The following NELL1 variants were observed in gnomAD, a reference collection of about 807,000 sequenced individuals.
NELL1 encodes the protein protein kinase C-binding protein NELL1.
NELL1 carries 76 observed loss-of-function variants against 107.4 expected under a neutral mutation model. That is an observed-to-expected ratio of 0.71 (90% confidence interval 0.59 to 0.86). The LOEUF is 0.86. NELL1 is among the 40% of genes least tolerant of loss of function. The pLI is 0.00. For synonymous variants in NELL1, 353 were observed against 341.2 expected, an observed-to-expected ratio of 1.03 and a Z score of -0.38; for missense variants, 1,024 against 1,005.5, an observed-to-expected ratio of 1.02 and a Z score of -0.25.
chr11:20,953,863 A>G (rs1851115465), intron 11 of NELL1, among the ~76,000 whole-genome samples: 1 of 152,114 alleles, frequency 6.6e-6, no homozygotes, highest in Non-Finnish European at 1.5e-5. Flanking sequence ...TCCCCTTGTA[A>G]CCCAATGCTC....
At chr11:21,258,271 C>T (rs961204854) in intron 14 of NELL1, among the ~76,000 whole-genome samples, 5 of 151,936 alleles carry the variant, frequency 3.3e-5, no homozygotes, top group African/African-American at 9.7e-5. Context: ...TTGATAACAT[C>T]CTATGGATGG....
intron 14 of NELL1, among the ~76,000 whole-genome samples, chr11:21,340,572 G>A (rs1250036663): frequency 7.5e-6 from 1 of 133,052 alleles, no homozygotes; most frequent in Non-Finnish European, 1.6e-5. Flanking sequence ...TTAAGATGAG[G>A]GCATAGTGGA....
intron 13 of NELL1, among the ~76,000 whole-genome samples, chr11:21,181,635 G>T (rs1445481627): frequency 6.6e-6 from 1 of 151,852 alleles, no homozygotes; most frequent in Non-Finnish European, 1.5e-5. Context: ...TATACATTCA[G>T]TAAGAAGTTT....
At chr11:20,687,625 T>C (rs1009286878) in intron 2 of NELL1, among the ~76,000 whole-genome samples, 1 of 151,836 alleles carries the variant, frequency 6.6e-6, no homozygotes, top group Non-Finnish European at 1.5e-5. Context: ...ACAGTTTTGC[T>C]CTGTCACCCA....
At chr11:20,705,125 C>T (rs1011553322) in intron 2 of NELL1, among the ~76,000 whole-genome samples, 23 of 152,270 alleles carry the variant, frequency 1.5e-4, no homozygotes, top group African/African-American at 3.6e-4. Context: ...CCCCATCAAG[C>T]TACCAATGGC....
intron 15 of NELL1, among the ~76,000 whole-genome samples, chr11:21,453,126 T>G (rs1853628981): frequency 6.6e-6 from 1 of 152,100 alleles, no homozygotes; most frequent in Non-Finnish European, 1.5e-5. Context: ...TAAGGATATT[T>G]TGGTCAATAG....
intron 5 of NELL1, among the ~76,000 whole-genome samples, chr11:20,896,007 T>A (rs1212774575): frequency 1.3e-5 from 2 of 152,146 alleles, no homozygotes; most frequent in Admixed American, 6.5e-5. Context: ...TTTCACTAGT[T>A]TTTGGGGCAC....
chr11:20,961,960 CCT>C (rs1175958168), intron 12 of NELL1, among the ~76,000 whole-genome samples: 2 of 151,872 alleles, frequency 1.3e-5, no homozygotes, highest in African/African-American at 4.8e-5. Context: ...TTGTAGGAAC[CCT>C]CTGTTTTTTT....
chr11:21,341,198 C>T (rs992503074), intron 14 of NELL1, among the ~76,000 whole-genome samples: 1 of 152,100 alleles, frequency 6.6e-6, no homozygotes, highest in Non-Finnish European at 1.5e-5. Context: ...TAATCTAATT[C>T]GTAAGACCAC....
At chr11:21,574,697 AG>A (rs1377203354) in intron 19 of NELL1, among the ~76,000 whole-genome samples, 24 of 151,932 alleles carry the variant, frequency 1.6e-4, no homozygotes, top group African/African-American at 5.5e-4. Context: ...TGGAAATCCC[AG>A]GGAGGCCTCC....
chr11:21,167,786 G>A (rs1370559834), intron 13 of NELL1, among the ~76,000 whole-genome samples: 1 of 151,726 alleles, frequency 6.6e-6, no homozygotes, highest in Non-Finnish European at 1.5e-5. Flanking sequence ...CTGCTTGGAA[G>A]TCTCTTTCCC....
chr11:20,757,200 CAT>C (rs912515696), intron 2 of NELL1, among the ~76,000 whole-genome samples: 1 of 150,650 alleles, frequency 6.6e-6, no homozygotes, highest in African/African-American at 2.4e-5. Flanking sequence ...ATTGTGATAC[CAT>C]ATATATATGT....
intron 12 of NELL1, among the ~76,000 whole-genome samples, chr11:21,009,213 C>T (rs1292373183): frequency 1.3e-5 from 2 of 152,148 alleles, no homozygotes; most frequent in Non-Finnish European, 2.9e-5. Context: ...ATTGAGCATT[C>T]TCCTCGGCAT....
At chr11:20,899,585 A>G (rs1044760206) in intron 5 of NELL1, among the ~76,000 whole-genome samples, 10 of 152,142 alleles carry the variant, frequency 6.6e-5, no homozygotes, top group African/African-American at 2.2e-4. Flanking sequence ...GAATGTATAC[A>G]AAGAAAGTAA....
chr11:21,100,176 C>G (rs1344539322), intron 12 of NELL1, among the ~76,000 whole-genome samples: 1 of 152,020 alleles, frequency 6.6e-6, no homozygotes, highest in Non-Finnish European at 1.5e-5. Flanking sequence ...AGCACCACGC[C>G]TGGATAATTT....
intron 12 of NELL1, among the ~76,000 whole-genome samples, chr11:20,988,968 C>T (rs555106085): frequency 2.0e-5 from 3 of 152,154 alleles, no homozygotes; most frequent in Non-Finnish European, 4.4e-5. Flanking sequence ...GACTCCTCCA[C>T]TAGCTAACTA....
At chr11:21,280,760 T>C (rs993943950) in intron 14 of NELL1, among the ~76,000 whole-genome samples, 1 of 152,190 alleles carries the variant, frequency 6.6e-6, no homozygotes, top group Non-Finnish European at 1.5e-5. Flanking sequence ...TTAAGTTTAA[T>C]AAACTTAAAT....
rs370079672 is a variant in NELL1 at position 20,960,410 on chromosome 11, C to T, written c.1172-22C>T. The T allele has an allele frequency of 3.4e-5, 55 of 1,609,630 alleles. 1 individual carries two copies. Among genetic ancestry groups the T allele is most frequent in the South Asian group, 1.5e-4 (14 of 90,672 alleles). ...CTTTATTTCCTCCTTTTCTGATGTA[C>T]GTTTTTATTTGTTTTTTCTAGGTCA... is the stretch of plus-strand genomic sequence containing the variant. On this transcript the variant is annotated intron_variant, in intron 11 of 19. Transcript: ENST00000357134.
intron 15 of NELL1, among the ~76,000 whole-genome samples, chr11:21,441,258 C>T (rs1853274242): frequency 6.6e-6 from 1 of 151,330 alleles, no homozygotes; most frequent in Admixed American, 6.6e-5. Context: ...CAACCTTTGA[C>T]ATCATTTCTA....
Sources: gnomAD v4.1 joint callset for allele counts (sites outside exome capture counted in the v4.1 genomes callset) on GRCh38, gnomAD v4.1.1 for gene constraint, MANE v1.5 for transcripts, NCBI Gene and HGNC (gene_info 2026-07-23, HGNC 2026-07-21) for gene names.